The following PREX1 variants were observed in gnomAD, a reference collection of about 807,000 sequenced individuals.
PREX1 encodes the protein phosphatidylinositol 3,4,5-trisphosphate-dependent Rac exchanger 1 protein.
Under a neutral mutation model 198.3 loss-of-function variants are expected in PREX1, and 41 were observed. The ratio of observed to expected loss-of-function variants is 0.21; its 90% confidence interval spans 0.16 to 0.27. The LOEUF is 0.27. Among genes scored for constraint, PREX1 ranks in the 10% least tolerant of loss-of-function variants. The pLI is 1.00. For synonymous variants in PREX1, 843 were observed against 887.2 expected (o/e 0.95, Z 0.89); for missense variants, 1,620 against 2,200.7 (o/e 0.74, Z 5.28).
At chr20:48,650,281 C>A (rs1242794265) in intron 23 of PREX1, 75 bp from the exon 24 acceptor site, 5 of 1,430,862 alleles carry the variant, frequency 3.5e-6, no homozygotes, top group Non-Finnish European at 4.9e-6. Flanking sequence ...CCAGTACCCA[C>A]TTTATCCTGG....
intron 14 of PREX1, among the ~76,000 whole-genome samples, chr20:48,671,855 C>T (rs1046918572): frequency 1.6e-4 from 24 of 152,238 alleles, no homozygotes; most frequent in Admixed American, 1.4e-3. Context: ...AGTTACCCAC[C>T]CTGTGTCCCC....
chr20:48,843,404 G>A, the PREX1 span, among the ~76,000 whole-genome samples: 1 of 152,168 alleles, frequency 6.6e-6, no homozygotes, highest in South Asian at 2.1e-4. Context: ...GAAAGGAAGG[G>A]AGGAATGGTC....
At chr20:48,760,751 C>T (rs1272504117) in intron 1 of PREX1, among the ~76,000 whole-genome samples, 8 of 152,176 alleles carry the variant, frequency 5.3e-5, no homozygotes, top group Admixed American at 4.6e-4. Context: ...CAGGGCCTGC[C>T]GTGCACCAGG....
intron 21 of PREX1, 26 bp from the exon 22 acceptor site, chr20:48,651,609 G>A: frequency 6.2e-7 from 1 of 1,603,094 alleles, no homozygotes; most frequent in East Asian, 2.2e-5. Context: ...GGTGACATCT[G>A]AGCAGAGATC....
At chr20:48,834,407 G>T in the PREX1 span, among the ~76,000 whole-genome samples, 4 of 152,036 alleles carry the variant, frequency 2.6e-5, no homozygotes, top group South Asian at 8.3e-4. Flanking sequence ...AAGCTGCCCA[G>T]TCCAAATCCA....
At chr20:48,822,212 C>A (rs1277285214) in intron 1 of PREX1, among the ~76,000 whole-genome samples, 1 of 152,250 alleles carries the variant, frequency 6.6e-6, no homozygotes, top group African/African-American at 2.4e-5. Flanking sequence ...CTGTTCCAGG[C>A]TCTCCGGCAT....
the PREX1 span, among the ~76,000 whole-genome samples, chr20:48,861,362 C>A: frequency 6.6e-6 from 1 of 152,236 alleles, no homozygotes; most frequent in African/African-American, 2.4e-5. Context: ...TGACCCCAGA[C>A]ATGTCTTGTT....
chr20:48,651,447 A>G lies in PREX1; in HGVS notation c.2604T>C (p.His868=), dbSNP rs768115199. 21 of 1,613,744 alleles carry G rather than the reference A, an allele frequency of 1.3e-5. No homozygotes were observed. The highest frequency in any genetic ancestry group is 3.3e-5 in the Admixed American group (2 of 59,992). ...EYVSTAGVRC[H]VLEKIVEPRG... Reference sequence around the variant, plus strand: ...GGGGCTCCACGATCTTCTCCAGCACATGGCACCTGACGCCTGCCGTGCTCA... The same window carrying G: ...GGGGCTCCACGATCTTCTCCAGCACGTGGCACCTGACGCCTGCCGTGCTCA... The change falls in exon 22 of 40, where the codon CAT becomes CAC. Residue 868 remains histidine (H), a synonymous_variant. Transcript: ENST00000371941.
intron 1 of PREX1, among the ~76,000 whole-genome samples, chr20:48,820,976 G>C (rs1600536053): frequency 6.6e-6 from 1 of 152,048 alleles, no homozygotes; most frequent in Non-Finnish European, 1.5e-5. Flanking sequence ...AAGGCGGGCA[G>C]AACACTTGAG....
At chr20:48,705,886 A>G (rs2089900586) in intron 6 of PREX1, among the ~76,000 whole-genome samples, 1 of 152,220 alleles carries the variant, frequency 6.6e-6, no homozygotes. Context: ...ACCAGGCAGG[A>G]CAAACTTACT....
rs867473147 is a variant in PREX1 at position 48,661,545 on chromosome 20, A to G, written c.1739-1484T>C. On this transcript the variant is annotated intron_variant, in intron 15 of 39. Coordinates refer to ENST00000371941, the MANE Select transcript of PREX1 (RefSeq NM_020820.4). The stretch of plus-strand genomic sequence containing the variant: ...ATATATAATGTGTGTGTGTGTGTGT[A>G]TATATATATATACACACACACACAC... 5.2e-3 allele frequency among the ~76,000 whole-genome samples: 621 copies of G among 118,670 alleles called. 7 individuals are homozygous for G. Among genetic ancestry groups the G allele is most frequent in the African/African-American group, 0.016 (531 of 32,480 alleles). The allele number at this position is 118,670 out of a possible 152,430, so 77.9% of individuals were successfully genotyped here.
rs181088850 is a variant in PREX1 at position 48,664,937 on chromosome 20, C to T, written c.1738+1346G>A. ...CCTGAATTCTAATCCCGACTCCAGA[C>T]GGCCTGAATTCTAATCCTGACTCCA... On this transcript the variant is annotated intron_variant, in intron 15 of 39. Coordinates refer to ENST00000371941, the MANE Select transcript of PREX1 (RefSeq NM_020820.4). Among the ~76,000 whole-genome samples the T allele has an allele frequency of 6.4e-4, 94 of 146,410 alleles. 1 individual carries two copies. The highest frequency in any genetic ancestry group is 2.2e-3 in the African/African-American group (88 of 39,592).
At chr20:48,675,549 T>C (rs1237815758) in intron 14 of PREX1, among the ~76,000 whole-genome samples, 1 of 152,152 alleles carries the variant, frequency 6.6e-6, no homozygotes, top group East Asian at 1.9e-4. Flanking sequence ...ATTCCACTGC[T>C]ATGAGGTAAC....
intron 5 of PREX1, among the ~76,000 whole-genome samples, chr20:48,710,400 C>T (rs990844688): frequency 6.6e-6 from 1 of 152,210 alleles, no homozygotes; most frequent in African/African-American, 2.4e-5. Flanking sequence ...ACTATTACTA[C>T]TACCAACAGT....
At chr20:48,815,076 C>T (rs2123056942) in intron 1 of PREX1, among the ~76,000 whole-genome samples, 1 of 152,278 alleles carries the variant, frequency 6.6e-6, no homozygotes, top group East Asian at 1.9e-4. Flanking sequence ...AGGATCAATT[C>T]ACCAGGAAGA....
intron 5 of PREX1, among the ~76,000 whole-genome samples, chr20:48,722,827 G>C (rs1466364590): frequency 6.6e-6 from 1 of 152,266 alleles, no homozygotes; most frequent in Non-Finnish European, 1.5e-5. Flanking sequence ...GCCCAAGTCT[G>C]GAAGCTCCAA....
chr20:48,867,573 T>A, the PREX1 span, among the ~76,000 whole-genome samples: 1 of 152,162 alleles, frequency 6.6e-6, no homozygotes, highest in Non-Finnish European at 1.5e-5. Context: ...TGCCACTTTT[T>A]AAAAATAATT....
At chr20:48,833,246 T>C in the PREX1 span, among the ~76,000 whole-genome samples, 3 of 152,178 alleles carry the variant, frequency 2.0e-5, no homozygotes, top group South Asian at 4.1e-4. Flanking sequence ...GACAGCCATC[T>C]TGAGACCCTG....
At chr20:48,649,626 C>G in intron 24 of PREX1, 50 bp from the exon 25 acceptor site, 2 of 1,530,052 alleles carry the variant, frequency 1.3e-6, no homozygotes, top group Non-Finnish European at 1.8e-6. Context: ...CCAGCATCCA[C>G]TGGGCCTTTG....
Sources: allele counts gnomAD v4.1 joint callset (sites outside exome capture counted in the v4.1 genomes callset), GRCh38; gene constraint gnomAD v4.1.1; transcripts MANE v1.5; gene names NCBI Gene and HGNC (gene_info 2026-07-23, HGNC 2026-07-21).